BBS9: variants seen among roughly 807,000 people sequenced by gnomAD.
The protein encoded by BBS9 is protein PTHB1.
A neutral mutation model predicts 117.7 loss-of-function variants in BBS9; 89 were observed. The ratio of observed to expected loss-of-function variants is 0.76; its 90% CI spans 0.64 to 0.90. BBS9 has a LOEUF of 0.90. Ranked by LOEUF, BBS9 falls within the 40% of genes least tolerant of loss-of-function variation. BBS9 has a pLI of 0.00. For missense variants in BBS9, 982 were observed against 1,042.2 expected, an observed-to-expected ratio of 0.94 and a Z score of 0.80; for synonymous variants, 379 against 370.9, an observed-to-expected ratio of 1.02 and a Z score of -0.25.
At chr7:33,525,007 T>C (rs1430798146) in intron 20 of BBS9, among the ~76,000 whole-genome samples, 5 of 152,098 alleles carry the variant, frequency 3.3e-5, no homozygotes, top group East Asian at 3.8e-4. Context: ...TTGTTATGTA[T>C]CCAGTAGTCA....
intron 14 of BBS9, chr7:33,351,850 C>T (rs1818718003): frequency 5.9e-6 from 1 of 170,014 alleles, no homozygotes; most frequent in African/African-American, 2.4e-5. Flanking sequence ...ACCCCATTTC[C>T]CCAGTGCGCT....
At chr7:33,201,142 G>A (rs1460509037) in intron 5 of BBS9, among the ~76,000 whole-genome samples, 1 of 152,078 alleles carries the variant, frequency 6.6e-6, no homozygotes, top group Non-Finnish European at 1.5e-5. Context: ...TGGGCATAAT[G>A]TATTCTGGAC....
In BBS9 at chr7:33,295,679, C is replaced by T. The variant is rs1056855213; in HGVS notation, c.1016+21723C>T. ...AAGTAAGATATGAGAACTTAAGATACGGTTAAGAGAGAACTTAAGATATGG... is the reference window on the plus strand; with the variant it reads ...AAGTAAGATATGAGAACTTAAGATATGGTTAAGAGAGAACTTAAGATATGG... On this transcript the variant is annotated intron_variant, in intron 9 of 22. Coordinates refer to ENST00000242067, the MANE Select transcript of BBS9 (RefSeq NM_198428.3). Among the ~76,000 whole-genome samples the T allele has an allele frequency of 4.0e-5, 6 of 151,792 alleles. No homozygotes were observed. In the South Asian group the frequency reaches 8.3e-4, roughly 21 times the overall value.
At chr7:33,308,580 C>T (rs1484107233) in intron 9 of BBS9, among the ~76,000 whole-genome samples, 6 of 152,134 alleles carry the variant, frequency 3.9e-5, no homozygotes, top group Admixed American at 2.0e-4. Flanking sequence ...AGAGCACTAT[C>T]CATCACAGTT....
At chr7:33,635,095 G>A (rs142192669) in intron 21 of BBS9, among the ~76,000 whole-genome samples, 3 of 152,302 alleles carry the variant, frequency 2.0e-5, no homozygotes, top group South Asian at 2.1e-4. Flanking sequence ...CGATCTGTGT[G>A]AGGGACATGG....
chr7:33,307,653 C>G lies in BBS9; in HGVS notation c.1017-28788C>G, dbSNP rs150344873. Among the ~76,000 whole-genome samples, 214 of 152,030 alleles carry G rather than the reference C, an allele frequency of 1.4e-3. 1 individual carries two copies. Among genetic ancestry groups the G allele is most frequent in the African/African-American group, 4.8e-3 (198 of 41,462 alleles). On this transcript the variant is annotated intron_variant, in intron 9 of 22. Coordinates refer to ENST00000242067, the MANE Select transcript of BBS9 (RefSeq NM_198428.3). ...CTTCCTGTATTATTTAATGTCATCT[C>G]TAGATTATTTATAAAATTGAATACA...
intron 19 of BBS9, among the ~76,000 whole-genome samples, chr7:33,504,584 G>C (rs1845890813): frequency 1.3e-5 from 2 of 152,094 alleles, no homozygotes; most frequent in Admixed American, 1.3e-4. Flanking sequence ...TATGGCCCTG[G>C]CTTTTGCTAA....
intron 19 of BBS9, among the ~76,000 whole-genome samples, chr7:33,468,642 A>G (rs1000796206): frequency 2.6e-5 from 4 of 151,916 alleles, no homozygotes; most frequent in African/African-American, 9.7e-5. Context: ...CCGTTAACCA[A>G]CCTCTCTGCC....
At chr7:33,325,964 C>T (rs937745968) in intron 9 of BBS9, among the ~76,000 whole-genome samples, 2 of 152,130 alleles carry the variant, frequency 1.3e-5, no homozygotes, top group Non-Finnish European at 2.9e-5. Flanking sequence ...TGGGTCTCAT[C>T]CAAGGCCTCT....
At position 33,425,647 on chromosome 7, in the gene BBS9, T is replaced by A. The variant is rs561634940; in HGVS notation, c.2115+37503T>A. On this transcript the variant is annotated intron_variant, in intron 19 of 22. Coordinates refer to ENST00000242067, the MANE Select transcript of BBS9 (RefSeq NM_198428.3). ...TGGACAGCAGCTTGCGTGTCTGGTC[T>A]TTCCTCCTTAAAAGGCTCAGAAACT... Among the ~76,000 whole-genome samples, 5 of 152,324 alleles carry A rather than the reference T, an allele frequency of 3.3e-5. No individual in the cohort carries two copies. The East Asian group carries it at 9.6e-4, about 29-fold the overall frequency.
At chr7:33,592,694 C>T (rs1862133583) in intron 21 of BBS9, among the ~76,000 whole-genome samples, 1 of 152,072 alleles carries the variant, frequency 6.6e-6, no homozygotes, top group Non-Finnish European at 1.5e-5. Flanking sequence ...TAATCACCAC[C>T]TAGACTCTGT....
intron 19 of BBS9, among the ~76,000 whole-genome samples, chr7:33,439,544 TTTTG>T: frequency 6.6e-6 from 1 of 151,044 alleles, no homozygotes; most frequent in Non-Finnish European, 1.5e-5. Context: ...TTTTTTTTTT[TTTTG>T]GGATGGAGCC....
Position 33,330,815 on chromosome 7 carries a change from C to T in BBS9, c.1017-5626C>T, listed in dbSNP as rs145295355. 2.3e-3 allele frequency among the ~76,000 whole-genome samples: 352 copies of T among 152,204 alleles called. 1 individual carries two copies. The highest frequency in any genetic ancestry group is 8.0e-3 in the African/African-American group (332 of 41,526). Reference sequence around the variant, plus strand: ...CATTATTCTAGTGACTTAGCTCAGTCGATGCACTTCACAGACCGATAATAA... The same window carrying T: ...CATTATTCTAGTGACTTAGCTCAGTTGATGCACTTCACAGACCGATAATAA... On this transcript the variant is annotated intron_variant, in intron 9 of 22. Transcript: ENST00000242067.
At chr7:33,254,820 T>C (rs188337526) in intron 5 of BBS9, among the ~76,000 whole-genome samples, 1 of 152,302 alleles carries the variant, frequency 6.6e-6, no homozygotes, top group East Asian at 1.9e-4. Flanking sequence ...TTCATCCATG[T>C]TGTTGTAAAT....
intron 5 of BBS9, among the ~76,000 whole-genome samples, chr7:33,196,069 T>C (rs1784889672): frequency 6.6e-6 from 1 of 152,156 alleles, no homozygotes; most frequent in African/African-American, 2.4e-5. Context: ...TTCTATAAGC[T>C]TGTATGGGAT....
intron 19 of BBS9, among the ~76,000 whole-genome samples, chr7:33,472,028 T>A (rs1388212447): frequency 6.6e-6 from 1 of 152,134 alleles, no homozygotes; most frequent in Non-Finnish European, 1.5e-5. Context: ...AACCCCACTT[T>A]CCTCTTAGGA....
At chr7:33,201,297 A>G (rs1207845560) in intron 5 of BBS9, among the ~76,000 whole-genome samples, 1 of 152,008 alleles carries the variant, frequency 6.6e-6, no homozygotes, top group Non-Finnish European at 1.5e-5. Flanking sequence ...CCCTCTTCAG[A>G]ATATGTGCTT....
At chr7:33,337,503 T>C (rs757093885) in intron 10 of BBS9, among the ~76,000 whole-genome samples, 8 of 152,114 alleles carry the variant, frequency 5.3e-5, no homozygotes, top group Non-Finnish European at 8.8e-5. Context: ...TTACCAACAT[T>C]GTATTCCTCT....
chr7:33,217,949 G>A (rs976370282), intron 5 of BBS9, among the ~76,000 whole-genome samples: 5 of 152,016 alleles, frequency 3.3e-5, no homozygotes, highest in Non-Finnish European at 5.9e-5. Flanking sequence ...AGCAAATGGC[G>A]AAAGGAAATA....
Sources: gnomAD v4.1 joint callset for allele counts (sites outside exome capture counted in the v4.1 genomes callset) on GRCh38, gnomAD v4.1.1 for gene constraint, MANE v1.5 for transcripts, NCBI Gene and HGNC (gene_info 2026-07-23, HGNC 2026-07-21) for gene names.